LRCH1: variants seen among roughly 807,000 people sequenced by gnomAD.
The protein encoded by LRCH1 is leucine-rich repeat and calponin homology domain-containing protein 1.
In LRCH1, 23 loss-of-function variants were observed where a neutral mutation model predicts 94.9. The ratio of observed to expected loss-of-function variants is 0.24; its 90% confidence interval spans 0.17 to 0.34. The LOEUF is 0.34. Ranked by LOEUF, LRCH1 falls within the 10% of genes least tolerant of loss-of-function variation. The probability of loss-of-function intolerance (pLI) is 1.00; values close to 1 mark genes in which losing one functional copy is unlikely to be tolerated. For synonymous variants in LRCH1, 364 were observed against 354.9 expected, an observed-to-expected ratio of 1.03 and a Z score of -0.29; for missense variants, 790 against 945.9, an observed-to-expected ratio of 0.84 and a Z score of 2.16.
chr13:46,561,424 T>A (rs1172199735), intron 1 of LRCH1, among the ~76,000 whole-genome samples: 1 of 152,216 alleles, frequency 6.6e-6, no homozygotes, highest in African/African-American at 2.4e-5. Context: ...TCCACTGTTC[T>A]TGCCAAATGG....
chr13:46,675,543 A>G (rs931596348), intron 3 of LRCH1, among the ~76,000 whole-genome samples: 3 of 152,140 alleles, frequency 2.0e-5, no homozygotes, highest in Non-Finnish European at 4.4e-5. Flanking sequence ...TGGATATGCT[A>G]TTTTTTATTC....
intron 1 of LRCH1, among the ~76,000 whole-genome samples, chr13:46,570,102 G>A (rs1309926706): frequency 6.6e-6 from 1 of 152,134 alleles, no homozygotes; most frequent in East Asian, 1.9e-4. Context: ...ACTTTATGTG[G>A]CTTCCCTCAG....
intron 1 of LRCH1, among the ~76,000 whole-genome samples, chr13:46,587,170 G>C (rs2137954134): frequency 6.6e-6 from 1 of 152,320 alleles, no homozygotes; most frequent in East Asian, 1.9e-4. Flanking sequence ...TAGTTGTTCA[G>C]GGTGAAATCT....
chr13:46,752,510 A>G (rs539325165), exon 19 of LRCH1: 1 of 152,342 alleles, frequency 6.6e-6, no homozygotes, highest in Non-Finnish European at 1.5e-5. Flanking sequence ...GTGCACTTTA[A>G]CCTAACTTAA....
At chr13:46,717,085 G>A (rs887412177) in intron 16 of LRCH1, among the ~76,000 whole-genome samples, 1 of 151,686 alleles carries the variant, frequency 6.6e-6, no homozygotes, top group Non-Finnish European at 1.5e-5. Context: ...GAAACAATTA[G>A]TCTTCTTATG....
chr13:46,630,858 C>G (rs1039687800), intron 1 of LRCH1, among the ~76,000 whole-genome samples: 6 of 152,194 alleles, frequency 3.9e-5, no homozygotes, highest in African/African-American at 1.4e-4. Context: ...TTTTTAAACT[C>G]TTTGCTGTGT....
intron 1 of LRCH1, among the ~76,000 whole-genome samples, chr13:46,577,919 CT>C (rs1296271134): frequency 6.6e-6 from 1 of 152,226 alleles, no homozygotes; most frequent in Non-Finnish European, 1.5e-5. Context: ...GGTTCTGCTC[CT>C]GTGGCATAGC....
chr13:46,569,721 G>A (rs531107231), intron 1 of LRCH1, among the ~76,000 whole-genome samples: 57 of 152,238 alleles, frequency 3.7e-4, no homozygotes, highest in Middle Eastern at 3.4e-3. Flanking sequence ...CCCCTCAAGG[G>A]CCTGTGTGGC....
intron 1 of LRCH1, among the ~76,000 whole-genome samples, chr13:46,607,598 CCTT>C (rs974477798): frequency 2.7e-5 from 4 of 150,120 alleles, no homozygotes; most frequent in Non-Finnish European, 5.9e-5. Flanking sequence ...TCCTTTTTCT[CCTT>C]CTCCTTCTCC....
intron 2 of LRCH1, among the ~76,000 whole-genome samples, chr13:46,657,593 C>G (rs535965537): frequency 8.3e-6 from 1 of 120,234 alleles, no homozygotes; most frequent in South Asian, 3.1e-4. Flanking sequence ...GGTGTGATCA[C>G]AGCTTACTGC....
At position 46,705,119 on chromosome 13, in the gene LRCH1, A is replaced by T. The variant is rs1324526834; in HGVS notation, c.1452A>T (p.Gly484=). 2.5e-6 allele frequency: 4 copies of T among 1,609,552 alleles called. No homozygotes were observed. In the African/African-American group the frequency reaches 5.4e-5, roughly 22 times the overall value. The change falls in exon 12 of 20, where the codon GGA becomes GGT. Residue 484 remains glycine (G), a synonymous_variant. Transcript: ENST00000389797. ...ERSVLNLYPM[G]SAEALELQDS... ...GTGTTTTAAACCTATATCCTATGGG[A>T]TCAGCAGAAGCCTTAGAATTACAAG...
chr13:46,751,776 G>C (rs918114556), exon 19 of LRCH1: 1 of 152,216 alleles, frequency 6.6e-6, no homozygotes, highest in African/African-American at 2.4e-5. Context: ...AACCAAAAAG[G>C]GTTTGAAGGG....
At chr13:46,566,755 T>C (rs1005349431) in intron 1 of LRCH1, among the ~76,000 whole-genome samples, 1 of 152,228 alleles carries the variant, frequency 6.6e-6, no homozygotes, top group Non-Finnish European at 1.5e-5. Flanking sequence ...TTTCTACAGA[T>C]GGTCCTCGGG....
At chr13:46,580,556 C>T (rs2050353664) in intron 1 of LRCH1, among the ~76,000 whole-genome samples, 1 of 152,166 alleles carries the variant, frequency 6.6e-6, no homozygotes, top group South Asian at 2.1e-4. Context: ...TACTTTTTGA[C>T]CTGGAACAAA....
At chr13:46,708,340 C>T (rs550770773) in intron 13 of LRCH1, among the ~76,000 whole-genome samples, 4 of 147,162 alleles carry the variant, frequency 2.7e-5, no homozygotes, top group East Asian at 4.0e-4. Context: ...TGCACAATCT[C>T]GGCTCACTGC....
Position 46,742,013 on chromosome 13 carries a change from A to G in LRCH1, c.*165A>G. The G allele has an allele frequency of 6.8e-7, 1 of 1,473,620 alleles. No homozygotes were observed. The highest frequency in any genetic ancestry group is 8.9e-7 in the Non-Finnish European group (1 of 1,121,244). 91.3% of individuals were successfully genotyped at this position (1,473,620 alleles called of 1,614,324 possible). On this transcript the variant is annotated 3_prime_UTR_variant, in exon 20 of 20. Coordinates refer to ENST00000389797, the MANE Select transcript of LRCH1 (RefSeq NM_001164211.2). The stretch of plus-strand genomic sequence containing the variant: ...GCAAATCAGATTTTCCAGAAGCACA[A>G]ACTTTGTAGAATACAGTTTAGTATA...
intron 6 of LRCH1, among the ~76,000 whole-genome samples, chr13:46,688,260 T>C (rs866002281): frequency 1.3e-4 from 20 of 152,370 alleles, no homozygotes; most frequent in Non-Finnish European, 2.5e-4. Flanking sequence ...TGAGTAAATA[T>C]GTGCATACTT....
chr13:46,648,856 G>T (rs542706135), intron 1 of LRCH1, among the ~76,000 whole-genome samples: 21 of 151,976 alleles, frequency 1.4e-4, no homozygotes, highest in African/African-American at 4.6e-4. Flanking sequence ...CCTTAATAAG[G>T]TTGTTTAAAA....
At chr13:46,624,150 C>A (rs936172235) in intron 1 of LRCH1, among the ~76,000 whole-genome samples, 3 of 152,114 alleles carry the variant, frequency 2.0e-5, no homozygotes, top group Admixed American at 6.5e-5. Context: ...TCCCAAAGTG[C>A]TGGGATTATA....
Sources: allele counts gnomAD v4.1 joint callset (sites outside exome capture counted in the v4.1 genomes callset), GRCh38; gene constraint gnomAD v4.1.1; transcripts MANE v1.5; gene names NCBI Gene and HGNC (gene_info 2026-07-23, HGNC 2026-07-21).